The following MLLT10 variants were observed in gnomAD, a reference collection of about 807,000 sequenced individuals.
The protein encoded by MLLT10 is protein AF-10.
A neutral mutation model predicts 129.1 loss-of-function variants in MLLT10; 30 were observed. The ratio of observed to expected loss-of-function variants is 0.23; its 90% CI spans 0.17 to 0.32. MLLT10 has a LOEUF of 0.32. Among genes scored for constraint, MLLT10 ranks in the 10% least tolerant of loss-of-function variants. MLLT10 has a pLI of 1.00. For synonymous variants in MLLT10, 490 were observed against 446.4 expected (o/e 1.10, Z -1.23); for missense variants, 1,119 against 1,268.3 (o/e 0.88, Z 1.79).
chr10:21,673,448 A>C lies in MLLT10; in HGVS notation c.1150A>C (p.Asn384His). 1 of 1,613,612 alleles carries C rather than the reference A, an allele frequency of 6.2e-7. No homozygotes were observed. The highest frequency in any genetic ancestry group is 8.5e-7 in the Non-Finnish European group (1 of 1,179,924). Residue 384 changes from asparagine to histidine, a missense_variant, in exon 11 of 23, where the codon AAT becomes CAT. Physicochemically the swap from Asn to His is moderately conservative, Grantham distance 68. Coordinates refer to ENST00000307729, the MANE Select transcript of MLLT10 (RefSeq NM_001195626.3). ...GAGCTTTACAGACTCAGATCTGCGT[A>C]ATGACAGTTACTCTCACTCCCAACA... ...FLSFTDSDLR[N>H]DSYSHSQQSS...
chr10:21,582,485 G>C (rs1404526021), intron 3 of MLLT10, among the ~76,000 whole-genome samples: 1 of 152,022 alleles, frequency 6.6e-6, no homozygotes. Context: ...CTTTTTATAG[G>C]TATGTATGTA....
At position 21,740,212 on chromosome 10, in the gene MLLT10, A is replaced by G; in HGVS notation, c.3138A>G (p.Gly1046=). ...ATTNPFLTIH[G]DNASQKVARL... Reference sequence around the variant, plus strand: ...CCAACCCATTTCTCACCATCCATGGAGATAATGCAAGTCAGAAAGTAGCAG... The same window carrying G: ...CCAACCCATTTCTCACCATCCATGGGGATAATGCAAGTCAGAAAGTAGCAG... The change falls in exon 22 of 23, where the codon GGA becomes GGG. Residue 1046 remains glycine, a synonymous_variant. Transcript: ENST00000307729. The G allele has an allele frequency of 6.2e-7, 1 of 1,614,166 alleles. No individual in the cohort carries two copies.
At chr10:21,738,557 G>A (rs1333657649) in intron 21 of MLLT10, 14 of 1,270,748 alleles carry the variant, frequency 1.1e-5, no homozygotes, top group African/African-American at 3.1e-5. Context: ...CAAACTTAAC[G>A]TAGGTGAGGA....
intron 7 of MLLT10, among the ~76,000 whole-genome samples, chr10:21,616,153 C>T (rs1423771104): frequency 2.0e-5 from 3 of 151,922 alleles, no homozygotes; most frequent in Admixed American, 6.6e-5. Flanking sequence ...ATTTTAATGA[C>T]TTAACAAAAA....
At chr10:21,597,275 C>T (rs1398062085) in intron 5 of MLLT10, among the ~76,000 whole-genome samples, 3 of 152,146 alleles carry the variant, frequency 2.0e-5, no homozygotes, top group Non-Finnish European at 4.4e-5. Context: ...TACATTATTA[C>T]TCTCTGATCT....
intron 3 of MLLT10, among the ~76,000 whole-genome samples, chr10:21,569,498 G>A (rs1324217514): frequency 1.3e-5 from 2 of 149,302 alleles, no homozygotes; most frequent in Admixed American, 6.7e-5. Context: ...TCGGCTCACT[G>A]CAAACTCCAC....
intron 21 of MLLT10, among the ~76,000 whole-genome samples, chr10:21,738,063 T>G (rs927359932): frequency 1.3e-5 from 2 of 151,746 alleles, no homozygotes; most frequent in Non-Finnish European, 2.9e-5. Flanking sequence ...AGGTCAGGAG[T>G]TCGGGACAAG....
At chr10:21,611,666 A>C (rs1421409924) in intron 5 of MLLT10, among the ~76,000 whole-genome samples, 1 of 152,260 alleles carries the variant, frequency 6.6e-6, no homozygotes, top group Non-Finnish European at 1.5e-5. Context: ...GTGAAAAGTT[A>C]ATATTGCGTA....
chr10:21,649,386 A>G (rs919831625), intron 8 of MLLT10, among the ~76,000 whole-genome samples: 2 of 151,984 alleles, frequency 1.3e-5, no homozygotes, highest in African/African-American at 4.8e-5. Flanking sequence ...CTGTATTGTT[A>G]TTTTGTTTGT....
chr10:21,611,766 A>T (rs1260629091), intron 5 of MLLT10, among the ~76,000 whole-genome samples: 1 of 152,166 alleles, frequency 6.6e-6, no homozygotes, highest in Non-Finnish European at 1.5e-5. Flanking sequence ...TTTCTGACCT[A>T]CTTAGCTAAA....
chr10:21,625,525 G>C (rs2046347731), intron 8 of MLLT10: 5 of 852,694 alleles, frequency 5.9e-6, no homozygotes, highest in South Asian at 5.3e-5. Flanking sequence ...TACTTTTCCA[G>C]CATCTGGCTT....
intron 8 of MLLT10, chr10:21,625,431 A>G (rs2046337323): frequency 1.1e-6 from 1 of 885,414 alleles, no homozygotes; most frequent in Non-Finnish European, 1.9e-6. Flanking sequence ...CTCACAAAGA[A>G]TACTTTTACC....
chr10:21,626,098 C>T, intron 8 of MLLT10: 1 of 1,607,974 alleles, frequency 6.2e-7, no homozygotes. Flanking sequence ...TGGACTCTTG[C>T]ACCTAGCTCC....
intron 3 of MLLT10, among the ~76,000 whole-genome samples, chr10:21,567,424 A>C (rs913639162): frequency 6.6e-6 from 1 of 150,772 alleles, no homozygotes; most frequent in African/African-American, 2.4e-5. Flanking sequence ...GAAAGTTCTC[A>C]CTCTCTACTA....
At chr10:21,686,969 C>G (rs1001490654) in intron 13 of MLLT10, among the ~76,000 whole-genome samples, 2 of 151,998 alleles carry the variant, frequency 1.3e-5, no homozygotes, top group African/African-American at 4.8e-5. Flanking sequence ...GGTGACAGAA[C>G]AAGACTCTGC....
chr10:21,554,662 A>G (rs917456720), intron 3 of MLLT10, among the ~76,000 whole-genome samples: 1 of 150,424 alleles, frequency 6.6e-6, no homozygotes, highest in Non-Finnish European at 1.5e-5. Context: ...AGGTTTCACC[A>G]TGTTGGCCAA....
At chr10:21,586,827 C>A (rs1388759307) in intron 4 of MLLT10, among the ~76,000 whole-genome samples, 1 of 151,500 alleles carries the variant, frequency 6.6e-6, no homozygotes, top group African/African-American at 2.4e-5. Flanking sequence ...GCGGAGGTTG[C>A]AGTGAGCTGA....
At chr10:21,587,355 G>T (rs2042082647) in intron 4 of MLLT10, among the ~76,000 whole-genome samples, 1 of 150,146 alleles carries the variant, frequency 6.7e-6, no homozygotes, top group African/African-American at 2.5e-5. Context: ...GGAGGTCGAG[G>T]CTGCAATGAG....
At chr10:21,580,153 G>T (rs1325108987) in intron 3 of MLLT10, among the ~76,000 whole-genome samples, 13 of 151,160 alleles carry the variant, frequency 8.6e-5, no homozygotes, top group Admixed American at 4.6e-4. Flanking sequence ...TGAGTATTTG[G>T]GACTGCAGAC....
Sources: allele counts gnomAD v4.1 joint callset (sites outside exome capture counted in the v4.1 genomes callset), GRCh38; gene constraint gnomAD v4.1.1; transcripts MANE v1.5; gene names NCBI Gene and HGNC (gene_info 2026-07-23, HGNC 2026-07-21).